Variants in RALGPS1 observed in about 807,000 individuals in gnomAD.
RALGPS1 encodes the protein ras-specific guanine nucleotide-releasing factor RalGPS1.
Under a neutral mutation model 78.8 loss-of-function variants are expected in RALGPS1, and 19 were observed. The observed-to-expected ratio is 0.24, with a 90% CI of 0.17 to 0.35. The LOEUF is 0.35. Among genes scored for constraint, RALGPS1 ranks in the 10% least tolerant of loss-of-function variants. RALGPS1 has a pLI of 1.00. For missense variants in RALGPS1, 454 were observed against 688.3 expected (o/e 0.66, Z 3.81); for synonymous variants, 228 against 256.3 (o/e 0.89, Z 1.06).
intron 4 of RALGPS1, among the ~76,000 whole-genome samples, chr9:127,011,239 G>A (rs1356051295): frequency 1.3e-5 from 2 of 151,918 alleles, no homozygotes; most frequent in Non-Finnish European, 2.9e-5. Context: ...GTGCAGTGGC[G>A]TGACCTCGGC....
intron 1 of RALGPS1, among the ~76,000 whole-genome samples, chr9:126,937,009 C>A (rs1284569510): frequency 6.6e-6 from 1 of 152,098 alleles, no homozygotes; most frequent in African/African-American, 2.4e-5. Context: ...CACCACCAGA[C>A]CCAGCTAATT....
At chr9:127,031,765 A>C (rs1659384151) in intron 4 of RALGPS1, among the ~76,000 whole-genome samples, 1 of 152,208 alleles carries the variant, frequency 6.6e-6, no homozygotes. Context: ...TACTCTGCTG[A>C]TGTGTTAATT....
rs1401105456 is a variant in RALGPS1 at position 127,211,264 on chromosome 9, G to C, written c.1248-867G>C. Among the ~76,000 whole-genome samples the C allele has an allele frequency of 6.6e-6, 1 of 152,190 alleles. No homozygotes were observed. Among genetic ancestry groups the C allele is most frequent in the East Asian group, 1.9e-4 (1 of 5,192 alleles). ...GGAAGCCATGAAAGGGGCTTGCTGT[G>C]GGCAGGTGGAGGAGAGGAGAGGGGG... On this transcript the variant is annotated intron_variant, in intron 14 of 18. Transcript: ENST00000259351. This position sits in a 1 kb window ranked among gnomAD's most constrained non-coding sequence, Gnocchi z 5.0.
intron 1 of RALGPS1, among the ~76,000 whole-genome samples, chr9:126,936,435 T>A (rs991208130): frequency 1.3e-5 from 2 of 152,118 alleles, no homozygotes; most frequent in East Asian, 3.8e-4. Context: ...GTTTGGAAGG[T>A]CAAAGGAAAA....
Position 127,211,933 on chromosome 9 carries a change from G to C in RALGPS1, c.1248-198G>C, listed in dbSNP as rs1341862366. Among the ~76,000 whole-genome samples, 5 of 152,198 alleles carry C rather than the reference G, an allele frequency of 3.3e-5. No homozygotes were observed. Among genetic ancestry groups the C allele is most frequent in the African/African-American group, 1.2e-4 (5 of 41,448 alleles). ...TGGAGCTTTGCAGCCCCAGAGACAG[G>C]TGTGGGAGTCCTTGGCGGTGGGCCC... On this transcript the variant is annotated intron_variant, in intron 14 of 18. Coordinates refer to ENST00000259351, the MANE Select transcript of RALGPS1 (RefSeq NM_014636.3). The surrounding 1 kb of genome is among the most constrained non-coding windows in gnomAD (Gnocchi z 5.0).
chr9:126,992,763 A>T (rs2042392336), intron 4 of RALGPS1, among the ~76,000 whole-genome samples: 1 of 152,250 alleles, frequency 6.6e-6, no homozygotes, highest in Non-Finnish European at 1.5e-5. Context: ...TAGGCCTTAT[A>T]CATCTTTTGC....
At chr9:126,924,164 C>T (rs1248806975) in intron 1 of RALGPS1, among the ~76,000 whole-genome samples, 1 of 152,246 alleles carries the variant, frequency 6.6e-6, no homozygotes, top group Non-Finnish European at 1.5e-5. Context: ...AACAGTTTCT[C>T]AACAGCTGCC....
intron 7 of RALGPS1, among the ~76,000 whole-genome samples, chr9:127,065,373 A>C (rs1418707099): frequency 6.6e-6 from 1 of 151,958 alleles, no homozygotes; most frequent in East Asian, 1.9e-4. Context: ...CAACCTCCCA[A>C]ATTGCTGGGA....
chr9:127,072,683 G>A (rs1199623859), intron 8 of RALGPS1, among the ~76,000 whole-genome samples: 1 of 152,114 alleles, frequency 6.6e-6, no homozygotes, highest in Non-Finnish European at 1.5e-5. Flanking sequence ...ATCTATAATT[G>A]CGTTGTAATG....
intron 11 of RALGPS1, among the ~76,000 whole-genome samples, chr9:127,175,150 C>T (rs1437677926): frequency 2.6e-5 from 4 of 152,224 alleles, no homozygotes; most frequent in Non-Finnish European, 1.5e-5. Context: ...GTTTATGTGC[C>T]CTGGAGGGGT....
intron 4 of RALGPS1, among the ~76,000 whole-genome samples, chr9:126,996,468 C>T (rs575607788): frequency 6.6e-6 from 1 of 152,266 alleles, no homozygotes; most frequent in African/African-American, 2.4e-5. Flanking sequence ...TGCATCCTCC[C>T]AAGACTAAAC....
chr9:127,108,092 G>GGAC, intron 8 of RALGPS1: 1 of 1,611,794 alleles, frequency 6.2e-7, no homozygotes, highest in Non-Finnish European at 8.5e-7. Context: ...GGTGGCTGGG[G>GGAC]GACGGGCCTG....
chr9:126,930,216 T>A (rs1177637087), intron 1 of RALGPS1, among the ~76,000 whole-genome samples: 1 of 151,722 alleles, frequency 6.6e-6, no homozygotes, highest in Non-Finnish European at 1.5e-5. Flanking sequence ...TTGTTATAAT[T>A]AGGCTTGTGA....
rs140753484 is a variant in RALGPS1, at chr9:127,126,142, C to T, written c.611-39927C>T. 1.2e-4 allele frequency among the ~76,000 whole-genome samples: 19 copies of T among 152,136 alleles called. No homozygotes were observed. In the East Asian group the frequency reaches 3.7e-3, roughly 29 times the overall value. On this transcript the variant is annotated intron_variant, in intron 8 of 18. Transcript: ENST00000259351. Reference sequence around the variant, plus strand: ...AAACTGACTCTTTCCCATACCCCACCCCACCCCTACCCCCAACTCCCTGCT... The same window carrying T: ...AAACTGACTCTTTCCCATACCCCACTCCACCCCTACCCCCAACTCCCTGCT...
At chr9:126,953,374 CGTGTGTGT>C (rs10665183) in intron 1 of RALGPS1, among the ~76,000 whole-genome samples, 2 of 150,060 alleles carry the variant, frequency 1.3e-5, no homozygotes, top group Non-Finnish European at 3.0e-5. Context: ...CACGTGCATG[CGTGTGTGT>C]GTGTGTGTGC....
intron 1 of RALGPS1, among the ~76,000 whole-genome samples, chr9:126,923,815 T>G (rs921473756): frequency 6.6e-6 from 1 of 152,220 alleles, no homozygotes; most frequent in Non-Finnish European, 1.5e-5. Context: ...CAAGTGCCAC[T>G]ACACCTGGCT....
intron 11 of RALGPS1, among the ~76,000 whole-genome samples, chr9:127,189,632 GT>G: frequency 6.6e-6 from 1 of 152,350 alleles, no homozygotes; most frequent in Admixed American, 6.5e-5. Context: ...TACAAGTTGG[GT>G]GGTTGGAGGA....
At chr9:127,054,915 C>T (rs1476103280) in intron 7 of RALGPS1, among the ~76,000 whole-genome samples, 1 of 151,766 alleles carries the variant, frequency 6.6e-6, no homozygotes, top group Admixed American at 6.6e-5. Flanking sequence ...GAATTCAAGG[C>T]AGCAGTGAAC....
chr9:127,057,223 C>T (rs537801626), intron 7 of RALGPS1, among the ~76,000 whole-genome samples: 1 of 152,278 alleles, frequency 6.6e-6, no homozygotes, highest in South Asian at 2.1e-4. Flanking sequence ...AAATAGACAC[C>T]TACACTGCTT....
Sources: gnomAD v4.1 joint callset for allele counts (sites outside exome capture counted in the v4.1 genomes callset) on GRCh38, gnomAD v4.1.1 for gene constraint, Gnocchi (gnomAD v3.1) non-coding constraint, MANE v1.5 for transcripts, NCBI Gene and HGNC (gene_info 2026-07-23, HGNC 2026-07-21) for gene names.